The following SEMA5A variants were observed in gnomAD, a reference collection of about 807,000 sequenced individuals.
SEMA5A encodes semaphorin-5A.
Under a neutral mutation model 135.5 loss-of-function variants are expected in SEMA5A, and 55 were observed. The ratio of observed to expected loss-of-function variants is 0.41; its 90% CI spans 0.33 to 0.51. The LOEUF (loss-of-function observed/expected upper bound fraction) is 0.51. SEMA5A is among the 20% of genes least tolerant of loss of function. SEMA5A has a pLI of 0.37. For missense variants in SEMA5A, 1,290 were observed against 1,419.9 expected (o/e 0.91, Z 1.47); for synonymous variants, 580 against 546.5 (o/e 1.06, Z -0.85).
At chr5:9,392,545 A>G (rs756099928) in intron 2 of SEMA5A, among the ~76,000 whole-genome samples, 5 of 152,164 alleles carry the variant, frequency 3.3e-5, no homozygotes, top group Non-Finnish European at 7.3e-5. Context: ...TAGTTTCCAG[A>G]GGCCTTTGTC....
At chr5:9,318,524 C>T in intron 4 of SEMA5A, 107 bp from the exon 5 acceptor site, 1 of 884,162 alleles carries the variant, frequency 1.1e-6, no homozygotes, top group Non-Finnish European at 1.7e-6. Context: ...ACTTCAAAAG[C>T]ATCTTCTTTC....
rs749721738 is a variant in SEMA5A, at chr5:9,035,096, T to C, written c.*7801A>G. 1 of 152,618 alleles carries C rather than the reference T, an allele frequency of 6.6e-6. No individual in the cohort carries two copies. The highest frequency in any genetic ancestry group is 1.5e-5 in the Non-Finnish European group (1 of 68,024). 9.5% of individuals were successfully genotyped at this position (152,618 alleles called of 1,614,324 possible). ...AATTGAATGAGACAAACTATTTACA[T>C]AAAACATAAGTACAAAAAATATAAT... On this transcript the variant is annotated 3_prime_UTR_variant, in exon 23 of 23. Coordinates refer to ENST00000382496, the MANE Select transcript of SEMA5A (RefSeq NM_003966.3).
At chr5:9,212,621 A>G (rs994850284) in intron 8 of SEMA5A, among the ~76,000 whole-genome samples, 1 of 152,228 alleles carries the variant, frequency 6.6e-6, no homozygotes, top group Non-Finnish European at 1.5e-5. Flanking sequence ...TCAAATATGC[A>G]TATCTGTGTT....
intron 10 of SEMA5A, among the ~76,000 whole-genome samples, chr5:9,193,607 C>T (rs1478889748): frequency 6.6e-6 from 1 of 152,162 alleles, no homozygotes; most frequent in African/African-American, 2.4e-5. Context: ...TTGCTGCAAA[C>T]ATGCTTGGCA....
Position 9,265,597 on chromosome 5 carries a change from C to T in SEMA5A, c.271-27707G>A, listed in dbSNP as rs151208342. On this transcript the variant is annotated intron_variant, in intron 5 of 22. Coordinates refer to ENST00000382496, the MANE Select transcript of SEMA5A (RefSeq NM_003966.3). ...CTGATCTCATCTGTCCAGTGCCTGG[C>T]GTCCCATGTTCAGCTATCCCCATAA... 209 of 454,380 alleles carry T rather than the reference C, an allele frequency of 4.6e-4. 2 individuals are homozygous for T. The highest frequency in any genetic ancestry group is 1.7e-3 in the South Asian group (110 of 64,498). The allele number at this position is 454,380 out of a possible 1,614,324, so 28.1% of individuals were successfully genotyped here. A position where few individuals can be genotyped will look rare whatever the true frequency, so the allele number is the denominator to read the frequency against.
chr5:9,475,891 GA>G (rs2126765830), intron 1 of SEMA5A, among the ~76,000 whole-genome samples: 1 of 152,302 alleles, frequency 6.6e-6, no homozygotes, highest in Admixed American at 6.5e-5. Flanking sequence ...CAGGTGGAAA[GA>G]AAATCTCCCT....
At chr5:9,059,193 G>GTTTT (rs1223155657) in intron 18 of SEMA5A, among the ~76,000 whole-genome samples, 1 of 147,852 alleles carries the variant, frequency 6.8e-6, no homozygotes, top group Non-Finnish European at 1.5e-5. Context: ...TATACTTTAA[G>GTTTT]TTTTAGGGTA....
chr5:9,283,743 G>A (rs959805871), intron 5 of SEMA5A, among the ~76,000 whole-genome samples: 16 of 152,128 alleles, frequency 1.1e-4, no homozygotes, highest in Admixed American at 3.9e-4. Context: ...GCCTCTGCCC[G>A]TTAATTTTTA....
chr5:9,122,421 T>C (rs1384804674), intron 14 of SEMA5A, among the ~76,000 whole-genome samples: 3 of 152,204 alleles, frequency 2.0e-5, no homozygotes, highest in Admixed American at 1.3e-4. Context: ...ATTGTCCAAA[T>C]TGTAAATACT....
rs78263520 is a variant in SEMA5A, at chr5:9,421,194, T to C, written c.-78+16562A>G. 5.9e-5 allele frequency among the ~76,000 whole-genome samples: 9 copies of C among 152,336 alleles called. No individual in the cohort carries two copies. The East Asian group carries it at 1.7e-3, about 29-fold the overall frequency. On this transcript the variant is annotated intron_variant, in intron 2 of 22. Coordinates refer to ENST00000382496, the MANE Select transcript of SEMA5A (RefSeq NM_003966.3). ...CTTCCTCCATGTTTCTGCAATAACA[T>C]ACAAATACAGGTATTCAGACATGGG...
Position 9,256,881 on chromosome 5 carries a change from T to C in SEMA5A, c.271-18991A>G, listed in dbSNP as rs181367447. ...TGGTTTTAAGAGTATAAGTTCAAGA[T>C]TAGCATGAAGAGTGAAAAAATCAGT... On this transcript the variant is annotated intron_variant, in intron 5 of 22. Coordinates refer to ENST00000382496, the MANE Select transcript of SEMA5A (RefSeq NM_003966.3). Among the ~76,000 whole-genome samples the C allele has an allele frequency of 2.0e-3, 312 of 152,358 alleles. 1 individual carries two copies. Among genetic ancestry groups the C allele is most frequent in the African/African-American group, 7.2e-3 (300 of 41,586 alleles).
intron 5 of SEMA5A, among the ~76,000 whole-genome samples, chr5:9,288,343 C>A (rs1579285639): frequency 6.6e-6 from 1 of 152,126 alleles, no homozygotes. Flanking sequence ...CGGTGTGAGG[C>A]CAGGGCCACA....
intron 1 of SEMA5A, among the ~76,000 whole-genome samples, chr5:9,507,827 AC>A (rs1171735360): frequency 1.3e-5 from 2 of 151,818 alleles, no homozygotes; most frequent in Non-Finnish European, 2.9e-5. Flanking sequence ...ACATGGTGAA[AC>A]CCCGTCTCTT....
rs143581659 is a variant in SEMA5A, at chr5:9,410,821, C to CA, written c.-78+26934_-78+26935insT. ...CTGCACATTCTGAATATGTACCCCACTTTTTTTAGAAGAAATGAAAAACAA... is the reference window on the plus strand; with the variant it reads ...CTGCACATTCTGAATATGTACCCCACATTTTTTTAGAAGAAATGAAAAACAA... On this transcript the variant is annotated intron_variant, in intron 2 of 22. Coordinates refer to ENST00000382496, the MANE Select transcript of SEMA5A (RefSeq NM_003966.3). Among the ~76,000 whole-genome samples, 1,640 of 150,404 alleles carry CA rather than the reference C, an allele frequency of 0.011. 67 individuals carry two copies. In the East Asian group the frequency reaches 0.12, roughly 11 times the overall value.
chr5:9,279,259 G>A (rs191408821), intron 5 of SEMA5A, among the ~76,000 whole-genome samples: 405 of 152,298 alleles, frequency 2.7e-3, no homozygotes, highest in Non-Finnish European at 3.5e-3. Flanking sequence ...TGGCCCTGCT[G>A]GGTTTTGGAC....
intron 4 of SEMA5A, among the ~76,000 whole-genome samples, chr5:9,323,743 C>T (rs1469349011): frequency 6.7e-6 from 1 of 148,520 alleles, no homozygotes; most frequent in African/African-American, 2.5e-5. Context: ...CTCACTGCAA[C>T]CTCCACTTCC....
chr5:9,358,744 T>C (rs1470337137), intron 3 of SEMA5A, among the ~76,000 whole-genome samples: 2 of 152,148 alleles, frequency 1.3e-5, no homozygotes, highest in African/African-American at 4.8e-5. Flanking sequence ...ACCCTCTATG[T>C]TGAAAGAAAC....
intron 3 of SEMA5A, chr5:9,367,284 A>G (rs370290071): frequency 7.9e-5 from 12 of 152,380 alleles, no homozygotes; most frequent in African/African-American, 2.6e-4. Flanking sequence ...CATCATAGAA[A>G]GTTCTATTGG....
At chr5:9,280,867 T>G in intron 5 of SEMA5A, 1 of 402,634 alleles carries the variant, frequency 2.5e-6, no homozygotes, top group Non-Finnish European at 4.9e-6. Context: ...TAACAATAAA[T>G]AATTGTATGT....
Sources: allele counts gnomAD v4.1 joint callset (sites outside exome capture counted in the v4.1 genomes callset), GRCh38; gene constraint gnomAD v4.1.1; transcripts MANE v1.5; gene names NCBI Gene and HGNC (gene_info 2026-07-23, HGNC 2026-07-21).